The following PAQR8 variants were observed in gnomAD, a reference collection of about 807,000 sequenced individuals.
PAQR8 encodes the protein membrane progestin receptor beta.
PAQR8 carries 17 observed loss-of-function variants against 25.2 expected under a neutral mutation model. The ratio of observed to expected loss-of-function variants is 0.67; its 90% confidence interval spans 0.46 to 1.01. The LOEUF (loss-of-function observed/expected upper bound fraction) is 1.01, where lower values mean the gene tolerates loss of function less well. PAQR8 is among the 50% of genes least tolerant of loss of function. PAQR8 has a pLI of 0.00. For synonymous variants in PAQR8, 204 were observed against 190.6 expected (o/e 1.07, Z -0.58); for missense variants, 392 against 448.4 (o/e 0.87, Z 1.14).
chr6:52,380,510 T>A (rs1034627732), intron 1 of PAQR8, among the ~76,000 whole-genome samples: 1 of 152,240 alleles, frequency 6.6e-6, no homozygotes, highest in Non-Finnish European at 1.5e-5. Context: ...GTTATTCTTA[T>A]ATGTGGCCTT....
rs1763867129 is a variant in PAQR8 at position 52,403,578 on chromosome 6, ACCTC to A, written c.366_369del (p.Tyr122Ter). 1 of 1,613,920 alleles carries A rather than the reference ACCTC, an allele frequency of 6.2e-7. No individual in the cohort carries two copies. Among genetic ancestry groups the A allele is most frequent in the Non-Finnish European group, 8.5e-7 (1 of 1,180,018 alleles). On this transcript the variant is annotated frameshift_variant, in exon 2 of 2. Transcript: ENST00000442253. LOFTEE classifies it high-confidence loss of function. Reference sequence around the variant, plus strand: ...CTCTTCATCCTGTCGTCAATCACTTACCTCACCTGCAGCCTTCTGGCCCACCTGC... The same window carrying A: ...CTCTTCATCCTGTCGTCAATCACTTAACCTGCAGCCTTCTGGCCCACCTGC...
rs1225594472 is a variant in PAQR8, at chr6:52,407,644, C to T, written c.*3366C>T. The T allele has an allele frequency of 8.0e-6, 1 of 125,710 alleles. No individual in the cohort carries two copies. Among genetic ancestry groups the T allele is most frequent in the Non-Finnish European group, 1.6e-5 (1 of 61,028 alleles). The allele number at this position is 125,710 out of a possible 1,614,324, so 7.8% of individuals were successfully genotyped here. A position where few individuals can be genotyped will look rare whatever the true frequency, so the allele number is the denominator to read the frequency against. On this transcript the variant is annotated 3_prime_UTR_variant, in exon 2 of 2. Transcript: ENST00000442253. ...CCATTGTCCCCAAGGCTTCTGTCTA[C>T]TAATTCTATTGGTCTTGTGTTTTGC...
chr6:52,391,345 T>C (rs1354570757), intron 1 of PAQR8, among the ~76,000 whole-genome samples: 1 of 152,232 alleles, frequency 6.6e-6, no homozygotes, highest in Non-Finnish European at 1.5e-5. Context: ...AATAAGTGCA[T>C]AGTATTCTAT....
At position 52,404,877 on chromosome 6, in the gene PAQR8, T is replaced by C. The variant is rs1562435848; in HGVS notation, c.*599T>C. On this transcript the variant is annotated 3_prime_UTR_variant, in exon 2 of 2. Transcript: ENST00000442253. ...CAGGATAACTGTCTACACCTGGCAG[T>C]TTTCTCTGACGTGCTGTTCACTCAC... The C allele has an allele frequency of 6.0e-6, 1 of 167,578 alleles. No homozygotes were observed. The highest frequency in any genetic ancestry group is 2.4e-5 in the African/African-American group (1 of 41,446). The allele number at this position is 167,578 out of a possible 1,614,324, so 10.4% of individuals were successfully genotyped here.
At chr6:52,368,293 G>T (rs1388466706) in intron 1 of PAQR8, among the ~76,000 whole-genome samples, 1 of 152,140 alleles carries the variant, frequency 6.6e-6, no homozygotes, top group East Asian at 1.9e-4. Flanking sequence ...GAAACCATTG[G>T]TACTGTGGTT....
At chr6:52,401,793 A>G (rs1380690047) in intron 1 of PAQR8, among the ~76,000 whole-genome samples, 2 of 152,162 alleles carry the variant, frequency 1.3e-5, no homozygotes, top group Admixed American at 1.3e-4. Flanking sequence ...AAATTAGTGG[A>G]TAGTTTAAGA....
At chr6:52,372,326 T>TA (rs958066662) in intron 1 of PAQR8, among the ~76,000 whole-genome samples, 2 of 152,162 alleles carry the variant, frequency 1.3e-5, no homozygotes, top group African/African-American at 2.4e-5. Context: ...TGAGATTTAG[T>TA]AAACTTCCAA....
chr6:52,375,196 G>C (rs1184990194), intron 1 of PAQR8, among the ~76,000 whole-genome samples: 1 of 151,992 alleles, frequency 6.6e-6, no homozygotes. Context: ...CCTCCCTCAA[G>C]AGCTTGTGGC....
Position 52,407,350 on chromosome 6 carries a change from A to G in PAQR8, c.*3072A>G, listed in dbSNP as rs1037902015. 1 of 167,060 alleles carries G rather than the reference A, an allele frequency of 6.0e-6. No homozygotes were observed. Among genetic ancestry groups the G allele is most frequent in the African/African-American group, 2.4e-5 (1 of 41,446 alleles). 10.3% of individuals were successfully genotyped at this position (167,060 alleles called of 1,614,324 possible). A position where few individuals can be genotyped will look rare whatever the true frequency, so the allele number is the denominator to read the frequency against. ...CCTGACCTGTATTTACTGATGCTTAATAATACTTGTAAGACTCTAGGGGTT... is the reference window on the plus strand; with the variant it reads ...CCTGACCTGTATTTACTGATGCTTAGTAATACTTGTAAGACTCTAGGGGTT... On this transcript the variant is annotated 3_prime_UTR_variant, in exon 2 of 2. Transcript: ENST00000442253.
At chr6:52,393,923 A>C (rs749596120) in intron 1 of PAQR8, among the ~76,000 whole-genome samples, 4 of 152,210 alleles carry the variant, frequency 2.6e-5, no homozygotes, top group Non-Finnish European at 4.4e-5. Context: ...GCCAGTGGAC[A>C]TCAGTGGTGT....
intron 1 of PAQR8, among the ~76,000 whole-genome samples, chr6:52,392,612 T>C (rs948509969): frequency 2.0e-5 from 3 of 152,198 alleles, no homozygotes; most frequent in Non-Finnish European, 2.9e-5. Context: ...TGGGAAAGGC[T>C]TTTTAGGTAG....
chr6:52,366,792 C>T (rs562047467), intron 1 of PAQR8, among the ~76,000 whole-genome samples: 5 of 152,172 alleles, frequency 3.3e-5, no homozygotes, highest in African/African-American at 1.2e-4. Flanking sequence ...CTCTGTCACC[C>T]AGGCTGGAGT....
chr6:52,377,424 A>G (rs1207639058), intron 1 of PAQR8, among the ~76,000 whole-genome samples: 1 of 152,144 alleles, frequency 6.6e-6, no homozygotes, highest in African/African-American at 2.4e-5. Context: ...TGCAACCTCA[A>G]AGAAGGAAAG....
chr6:52,370,142 A>G (rs889246822), intron 1 of PAQR8, among the ~76,000 whole-genome samples: 14 of 151,916 alleles, frequency 9.2e-5, no homozygotes, highest in African/African-American at 3.4e-4. Flanking sequence ...CTCTGGAACT[A>G]TTGCCACCTT....
rs563723751 is a variant in PAQR8 at position 52,363,444 on chromosome 6, G to C, written c.-53+1195G>C. On this transcript the variant is annotated intron_variant, in intron 1 of 1. Coordinates refer to ENST00000442253, the MANE Select transcript of PAQR8 (RefSeq NM_133367.5). ...TCAAATGTACAGGTAATACCTACCC[G>C]TGTGTGTGCGCGCCTTAGGGATAAC... 7.2e-4 allele frequency among the ~76,000 whole-genome samples: 109 copies of C among 152,284 alleles called. No individual in the cohort carries two copies. The South Asian group carries it at 8.7e-3, about 12-fold the overall frequency.
intron 1 of PAQR8, among the ~76,000 whole-genome samples, chr6:52,389,048 C>G (rs1763666143): frequency 6.6e-6 from 1 of 152,166 alleles, no homozygotes; most frequent in African/African-American, 2.4e-5. Context: ...CCTCCTTTTC[C>G]TAAGTCTTTG....
intron 1 of PAQR8, among the ~76,000 whole-genome samples, chr6:52,387,941 A>G (rs983222026): frequency 6.6e-6 from 1 of 152,218 alleles, no homozygotes; most frequent in South Asian, 2.1e-4. Context: ...CCTTATGAAA[A>G]TCTAATGCCT....
intron 1 of PAQR8, among the ~76,000 whole-genome samples, chr6:52,368,889 G>A (rs893362724): frequency 1.6e-4 from 25 of 152,126 alleles, no homozygotes; most frequent in African/African-American, 5.5e-4. Flanking sequence ...AAATCATGGG[G>A]GCAGTTTTCC....
intron 1 of PAQR8, among the ~76,000 whole-genome samples, chr6:52,383,677 A>AAAAC (rs1763593631): frequency 6.7e-6 from 1 of 148,556 alleles, no homozygotes; most frequent in Non-Finnish European, 1.5e-5. Context: ...AAAAAAAAAA[A>AAAAC]CCAGGAATTC....
Sources: gnomAD v4.1 joint callset for allele counts (sites outside exome capture counted in the v4.1 genomes callset) on GRCh38, gnomAD v4.1.1 for gene constraint, MANE v1.5 for transcripts, NCBI Gene and HGNC (gene_info 2026-07-23, HGNC 2026-07-21) for gene names.